Variants in CIBAR2 observed in about 807,000 individuals in gnomAD.
The protein encoded by CIBAR2 is CBY1-interacting BAR domain-containing protein 2.
A neutral mutation model predicts 36.2 loss-of-function variants in CIBAR2; 38 were observed. The ratio of observed to expected loss-of-function variants is 1.05; its 90% confidence interval spans 0.81 to 1.38. The LOEUF is 1.38. CIBAR2 is among the 40% of genes most tolerant of loss of function. The pLI is 0.00. For synonymous variants in CIBAR2, 182 were observed against 149.5 expected (o/e 1.22, Z -1.58); for missense variants, 481 against 383.4 (o/e 1.25, Z -2.13).
chr16:85,098,976 G>T lies in CIBAR2; in HGVS notation c.*209C>A. The T allele has an allele frequency of 1.9e-6, 1 of 522,532 alleles. No homozygotes were observed. The highest frequency in any genetic ancestry group is 3.1e-6 in the Non-Finnish European group (1 of 324,606). 32.4% of individuals were successfully genotyped at this position (522,532 alleles called of 1,614,324 possible). On this transcript the variant is annotated 3_prime_UTR_variant, in exon 9 of 9. Transcript: ENST00000539556. ...ACAATCAAAACTTCAGGAAACATTG[G>T]ATACACTCACAGAAATGCAAAATGC... is the stretch of plus-strand genomic sequence containing the variant.
intron 2 of CIBAR2, among the ~76,000 whole-genome samples, chr16:85,109,834 G>C (rs538976683): frequency 6.6e-6 from 1 of 152,218 alleles, no homozygotes; most frequent in African/African-American, 2.4e-5. Context: ...GGAGTTTTCT[G>C]GGCTGGCAGG....
At position 85,108,013 on chromosome 16, in the gene CIBAR2, C is replaced by T. The variant is rs760642162; in HGVS notation, c.324+18G>A. The T allele has an allele frequency of 8.7e-6, 14 of 1,613,686 alleles. No homozygotes were observed. Among genetic ancestry groups the T allele is most frequent in the African/African-American group, 1.3e-5 (1 of 74,928 alleles). On this transcript the variant is annotated intron_variant, in intron 3 of 8. Transcript: ENST00000539556. ...GGCAAGACAGGGATGCCACCCACAC[C>T]GAGGTGCCCCGGCTCACCCGTGTCT...
At chr16:85,100,978 C>T (rs531927411) in intron 7 of CIBAR2, among the ~76,000 whole-genome samples, 27 of 151,248 alleles carry the variant, frequency 1.8e-4, no homozygotes, top group Admixed American at 1.1e-3. Flanking sequence ...ACCTGGGAGG[C>T]GGAGTTGCAG....
intron 5 of CIBAR2, among the ~76,000 whole-genome samples, chr16:85,107,058 A>G (rs998308579): frequency 2.6e-5 from 4 of 152,038 alleles, no homozygotes; most frequent in African/African-American, 9.7e-5. Flanking sequence ...AGGTAGGAGA[A>G]TCGCTTGAAC....
intron 2 of CIBAR2, among the ~76,000 whole-genome samples, chr16:85,108,403 C>T (rs551041348): frequency 6.6e-6 from 1 of 152,298 alleles, no homozygotes; most frequent in East Asian, 1.9e-4. Flanking sequence ...TGGTGCCTGG[C>T]CCAGAACTCA....
intron 6 of CIBAR2, among the ~76,000 whole-genome samples, chr16:85,103,984 A>G (rs899286845): frequency 6.6e-6 from 1 of 152,252 alleles, no homozygotes; most frequent in African/African-American, 2.4e-5. Context: ...TATGTTGGGC[A>G]TGGTGTACCC....
chr16:85,104,880 T>C (rs2073983399), intron 6 of CIBAR2, among the ~76,000 whole-genome samples: 2 of 151,988 alleles, frequency 1.3e-5, no homozygotes, highest in South Asian at 4.2e-4. Flanking sequence ...GCCCGGGGCT[T>C]TGTGGTGCTG....
At chr16:85,102,152 CA>C in intron 7 of CIBAR2, 61 bp downstream of exon 7, 1 of 958,662 alleles carries the variant, frequency 1.0e-6, no homozygotes, top group South Asian at 1.4e-5. Context: ...TCTATCAAGA[CA>C]AAACCAAAAT....
chr16:85,100,171 G>C lies in CIBAR2; in HGVS notation c.721C>G (p.Pro241Ala), dbSNP rs781141108. Residue 241 changes from proline (P) to alanine (A), a missense_variant, in exon 8 of 9, where the codon CCT (proline) becomes GCT (alanine). Pro to Ala is a conservative substitution (Grantham distance 27). Coordinates refer to ENST00000539556, the MANE Select transcript of CIBAR2 (RefSeq NM_198491.3). ...GCGAGAGACTGAAGAACAGATGGAG[G>C]GGGGCTGGTGTTGGCAAGCAGCCGA... ...DTRLLANTSP[P>A]PSVLQSLASQ... 5 of 1,611,318 alleles carry C rather than the reference G, an allele frequency of 3.1e-6. No homozygotes were observed. The highest frequency in any genetic ancestry group is 3.4e-5 in the Admixed American group (2 of 59,356).
intron 1 of CIBAR2, 118 bp from the exon 2 acceptor site, chr16:85,110,578 A>ATGTG: frequency 2.9e-6 from 2 of 684,528 alleles, no homozygotes; most frequent in Non-Finnish European, 4.8e-6. Flanking sequence ...CTGGTGTGGC[A>ATGTG]CGCACATGCC....
chr16:85,112,362 A>G lies in CIBAR2; in HGVS notation c.-10T>C, dbSNP rs1567564085. 1 of 1,613,872 alleles carries G rather than the reference A, an allele frequency of 6.2e-7. No homozygotes were observed. On this transcript the variant is annotated 5_prime_UTR_variant, in exon 1 of 9. Coordinates refer to ENST00000539556, the MANE Select transcript of CIBAR2 (RefSeq NM_198491.3). ...AGAAGACGATGTTCATTGTGACCAG[A>G]GCTTTGGCTGTCCCGGTGCTGGGGA...
intron 7 of CIBAR2, 34 bp downstream of exon 7, chr16:85,102,180 C>T: frequency 8.2e-7 from 1 of 1,216,186 alleles, no homozygotes; most frequent in South Asian, 1.2e-5. Context: ...CTGCCCCACT[C>T]CACCATATAG....
intron 6 of CIBAR2, 33 bp from the exon 7 acceptor site, chr16:85,102,360 T>C (rs758779188): frequency 7.3e-7 from 1 of 1,363,242 alleles, no homozygotes; most frequent in Non-Finnish European, 1.1e-6. Flanking sequence ...AATGTAAGCA[T>C]CGCAGTGAGA....
At chr16:85,103,129 C>T (rs2073968754) in intron 6 of CIBAR2, among the ~76,000 whole-genome samples, 1 of 152,168 alleles carries the variant, frequency 6.6e-6, no homozygotes, top group African/African-American at 2.4e-5. Flanking sequence ...TCTCGAACTC[C>T]TGACCTCAAG....
chr16:85,108,032 C>G lies in CIBAR2; in HGVS notation c.323G>C (p.Arg108Pro), dbSNP rs148587987. 6.2e-7 allele frequency: 1 copy of G among 1,613,786 alleles called. No individual in the cohort carries two copies. ...KLYGAQIKQT[R>P]AEIKKFKHVQ... Reference sequence around the variant, plus strand: ...CCACACCGAGGTGCCCCGGCTCACCCGTGTCTGCTTGATCTGTGCCCCGTA... The same window carrying G: ...CCACACCGAGGTGCCCCGGCTCACCGGTGTCTGCTTGATCTGTGCCCCGTA... Residue 108 changes from arginine (R) to proline (P), a missense_variant and splice_region_variant, in exon 3 of 9, where the codon CGG becomes CCG. By Grantham distance (103) the Arg-to-Pro change is moderately radical. Coordinates refer to ENST00000539556, the MANE Select transcript of CIBAR2 (RefSeq NM_198491.3).
At chr16:85,110,564 G>C (rs2074034100) in intron 1 of CIBAR2, 104 bp from the exon 2 acceptor site, 1 of 855,662 alleles carries the variant, frequency 1.2e-6, no homozygotes. Context: ...CCACCAGCCG[G>C]CCTCTGGTGT....
In CIBAR2 at chr16:85,110,279, T is replaced by C; in HGVS notation, c.202A>G (p.Met68Val). 6.2e-7 allele frequency: 1 copy of C among 1,608,630 alleles called. No individual in the cohort carries two copies. Among genetic ancestry groups the C allele is most frequent in the South Asian group, 1.1e-5 (1 of 90,574 alleles). ...NSENPELRAT[M>V]RGFAEDLAKV... is the part of the protein sequence containing the mutation. ...GCCAGGTCCTCAGCGAAGCCCCTCA[T>C]GGTGGCCCGCAGCTCGGGGTTCTCG... The change falls in exon 2 of 9, where the codon ATG becomes GTG. Residue 68 changes from methionine to valine, a missense_variant. Physicochemically the swap from Met to Val is conservative, Grantham distance 21. Transcript: ENST00000539556.
intron 5 of CIBAR2, among the ~76,000 whole-genome samples, chr16:85,106,416 A>T (rs1164875605): frequency 6.6e-6 from 1 of 152,152 alleles, no homozygotes; most frequent in African/African-American, 2.4e-5. Context: ...GGTGGAATGA[A>T]GGTTGCTAAT....
At chr16:85,104,174 G>A (rs1457617065) in intron 6 of CIBAR2, among the ~76,000 whole-genome samples, 1 of 152,250 alleles carries the variant, frequency 6.6e-6, no homozygotes, top group African/African-American at 2.4e-5. Flanking sequence ...CCCAAAGAAT[G>A]AGGTTGAAGC....
Sources: allele counts gnomAD v4.1 joint callset (sites outside exome capture counted in the v4.1 genomes callset), GRCh38; gene constraint gnomAD v4.1.1; transcripts MANE v1.5; gene names NCBI Gene and HGNC (gene_info 2026-07-23, HGNC 2026-07-21).